F5: variants seen among roughly 807,000 people sequenced by gnomAD.
The protein encoded by F5 is activated protein c cofactor.
F5 carries 138 observed loss-of-function variants against 216.4 expected under a neutral mutation model. The observed-to-expected ratio is 0.64, with a 90% confidence interval of 0.56 to 0.73. The LOEUF (loss-of-function observed/expected upper bound fraction) is 0.73, where lower values mean the gene tolerates loss of function less well. Among genes scored for constraint, F5 ranks in the 30% least tolerant of loss-of-function variants. F5 has a pLI of 0.00. For missense variants in F5, 2,403 were observed against 2,674.0 expected, an observed-to-expected ratio of 0.90 and a Z score of 2.24; for synonymous variants, 916 against 930.7, an observed-to-expected ratio of 0.98 and a Z score of 0.29.
chr1:169,519,116 G>A (rs1369748226), intron 22 of F5, among the ~76,000 whole-genome samples: 1 of 152,146 alleles, frequency 6.6e-6, no homozygotes, highest in African/African-American at 2.4e-5. Context: ...CAGCAAGGCA[G>A]ACCTGTGACT....
intron 21 of F5, among the ~76,000 whole-genome samples, chr1:169,522,808 G>A (rs1393020911): frequency 6.6e-6 from 1 of 152,136 alleles, no homozygotes; most frequent in African/African-American, 2.4e-5. Context: ...CAGGTACACT[G>A]AAATAAAGAA....
At chr1:169,517,264 A>T (rs1270852995) in intron 23 of F5, among the ~76,000 whole-genome samples, 1 of 152,144 alleles carries the variant, frequency 6.6e-6, no homozygotes. Context: ...GTGTATTTAG[A>T]ATTAAAAGGA....
At chr1:169,534,623 A>G (rs927422413) in intron 14 of F5, among the ~76,000 whole-genome samples, 1 of 151,814 alleles carries the variant, frequency 6.6e-6, no homozygotes, top group Admixed American at 6.6e-5. Flanking sequence ...AGTTGAGATC[A>G]TACCTCTGTA....
intron 18 of F5, among the ~76,000 whole-genome samples, chr1:169,525,267 G>A (rs898860845): frequency 2.0e-5 from 3 of 152,048 alleles, no homozygotes; most frequent in Non-Finnish European, 2.9e-5. Flanking sequence ...GAGGCCGAGG[G>A]GGGAGGATTA....
At position 169,540,594 on chromosome 1, in the gene F5, T is replaced by C. The variant is rs144749395; in HGVS notation, c.4496A>G (p.Asn1499Ser). Residue 1499 changes from asparagine (N) to serine (S), a missense_variant, in exon 13 of 25, where the codon AAT becomes AGT. Transcript: ENST00000367797. ...AAATTCCTTTGATAGAAAAGTATCA[T>C]TGAGAGTAGGAGATGAAGGAGATGG... ...QMPSPSSPTL[N>S]DTFLSKEFNP... 3 of 1,613,944 alleles carry C rather than the reference T, an allele frequency of 1.9e-6. No homozygotes were observed. The highest frequency in any genetic ancestry group is 2.2e-5 in the East Asian group (1 of 44,870).
chr1:169,517,069 A>AATTACATATATAATAAATTATAT (rs1659175992), intron 23 of F5, among the ~76,000 whole-genome samples: 1 of 152,162 alleles, frequency 6.6e-6, no homozygotes, highest in Non-Finnish European at 1.5e-5. Flanking sequence ...AAATTATATA[A>AATTACATATATAATAAATTATAT]ATGTAATATA....
chr1:169,516,216 C>A (rs1458819785), intron 23 of F5, among the ~76,000 whole-genome samples: 1 of 152,100 alleles, frequency 6.6e-6, no homozygotes, highest in Non-Finnish European at 1.5e-5. Context: ...ATTTGAGAGA[C>A]CTGATAAAAC....
Position 169,565,542 on chromosome 1 carries a change from C to T in F5, c.374-4776G>A, listed in dbSNP as rs772490655. 1.1e-4 allele frequency among the ~76,000 whole-genome samples: 16 copies of T among 152,120 alleles called. No homozygotes were observed. In the South Asian group the frequency reaches 2.5e-3, roughly 24 times the overall value. On this transcript the variant is annotated intron_variant, in intron 3 of 24. Transcript: ENST00000367797. Reference sequence around the variant, plus strand: ...TCATGGCTGTGTGTTGTTATGATTGCGTAATGTTAAAATAGATTAAATGCC... The same window carrying T: ...TCATGGCTGTGTGTTGTTATGATTGTGTAATGTTAAAATAGATTAAATGCC...
intron 21 of F5, among the ~76,000 whole-genome samples, chr1:169,522,768 G>C (rs1283241400): frequency 6.6e-6 from 1 of 152,050 alleles, no homozygotes; most frequent in Non-Finnish European, 1.5e-5. Context: ...TGCCTCAGAG[G>C]CTTACTAGCA....
chr1:169,569,600 A>G lies in F5; in HGVS notation c.373+2621T>C, dbSNP rs116985281. Reference sequence around the variant, plus strand: ...AACCTCAAATTGAAACCCTTTAGTGACAGCTTTTAAGTGATTAGTTACAGT... The same window carrying G: ...AACCTCAAATTGAAACCCTTTAGTGGCAGCTTTTAAGTGATTAGTTACAGT... On this transcript the variant is annotated intron_variant, in intron 3 of 24. Transcript: ENST00000367797. Among the ~76,000 whole-genome samples the G allele has an allele frequency of 3.0e-4, 46 of 152,188 alleles. No individual in the cohort carries two copies. In the East Asian group the frequency reaches 7.7e-3, roughly 26 times the overall value.
Position 169,542,346 on chromosome 1 carries a change from G to A in F5, c.2744C>T (p.Thr915Ile), listed in dbSNP as rs144673784. 26 of 1,600,502 alleles carry A rather than the reference G, an allele frequency of 1.6e-5. No homozygotes were observed. In the African/African-American group the frequency reaches 2.9e-4, roughly 18 times the overall value. Residue 915 changes from threonine to isoleucine, a missense_variant, in exon 13 of 25, where the codon ACT becomes ATT. By Grantham distance (89) the Thr-to-Ile change is moderately conservative. This residue lies in a region of F5 where 1,425 missense variants were observed against 1,554.8 expected (regional missense o/e 0.92). Coordinates refer to ENST00000367797, the MANE Select transcript of F5 (RefSeq NM_000130.5). ...RPWEDLPSQD[T>I]GSPSRMRPWK... ...GGGCCTCATTCTGGAAGGAGAACCA[G>A]TGTCTTGGCTAGGAAGGTCCTCCCA...
chr1:169,536,672 T>TCTTTCC lies in F5; in HGVS notation c.4804_4805insGGAAAG (p.Thr1601_Asp1602insGlyLys). 6.2e-7 allele frequency: 1 copy of TCTTTCC among 1,608,882 alleles called. No individual in the cohort carries two copies. The highest frequency in any genetic ancestry group is 8.5e-7 in the Non-Finnish European group (1 of 1,175,392). ...TGGAATATCATCAGAGTCTTCAATA[T>TCTTTCC]CTGTTTCCCTGAAATAATAATACTA... On this transcript the variant is annotated inframe_insertion, in exon 14 of 25. Transcript: ENST00000367797.
At chr1:169,525,296 A>T (rs549745442) in intron 18 of F5, among the ~76,000 whole-genome samples, 1 of 152,264 alleles carries the variant, frequency 6.6e-6, no homozygotes, top group East Asian at 1.9e-4. Flanking sequence ...CAGGAGTTTG[A>T]TCTTGGGCAA....
chr1:169,517,564 T>C (rs1318971030), intron 23 of F5, among the ~76,000 whole-genome samples: 5 of 152,146 alleles, frequency 3.3e-5, no homozygotes, highest in Non-Finnish European at 7.4e-5. Context: ...GAAGGGATCA[T>C]CAAGTTATTC....
In F5 at chr1:169,513,817, A is replaced by G. The variant is rs1228833352; in HGVS notation, c.*496T>C. Among the ~76,000 whole-genome samples, 3 of 152,086 alleles carry G rather than the reference A, an allele frequency of 2.0e-5. No individual in the cohort carries two copies. Among genetic ancestry groups the G allele is most frequent in the Non-Finnish European group, 4.4e-5 (3 of 67,998 alleles). On this transcript the variant is annotated 3_prime_UTR_variant, in exon 25 of 25. Transcript: ENST00000367797. Reference sequence around the variant, plus strand: ...TTACTCATGGAAAGTCAGAAAAATCATTGTTATATGGGAAAGACAGGATAT... The same window carrying G: ...TTACTCATGGAAAGTCAGAAAAATCGTTGTTATATGGGAAAGACAGGATAT...
chr1:169,567,519 A>G (rs1289388920), intron 3 of F5, among the ~76,000 whole-genome samples: 2 of 149,798 alleles, frequency 1.3e-5, no homozygotes, highest in African/African-American at 4.9e-5. Flanking sequence ...ATGAAAGTAA[A>G]TAAGACTTTT....
intron 18 of F5, among the ~76,000 whole-genome samples, chr1:169,525,395 A>G (rs919985858): frequency 4.6e-5 from 7 of 152,142 alleles, no homozygotes; most frequent in Admixed American, 3.9e-4. Flanking sequence ...TCAAAAGTTG[A>G]CCTCAAAGTT....
rs1451795357 is a variant in F5 at position 169,550,111 on chromosome 1, C to T, written c.1397-96G>A. On this transcript the variant is annotated intron_variant, in intron 9 of 24. Coordinates refer to ENST00000367797, the MANE Select transcript of F5 (RefSeq NM_000130.5). ...CTTTCGCTGGAACCAATTAATATTG[C>T]AAAAGGAATTCTTTTATTTTTATTT... The T allele has an allele frequency of 3.2e-6, 3 of 951,360 alleles. No homozygotes were observed. The African/African-American group carries it at 5.0e-5, about 16-fold the overall frequency. The allele number at this position is 951,360 out of a possible 1,614,324, so 58.9% of individuals were successfully genotyped here. A position where few individuals can be genotyped will look rare whatever the true frequency, so the allele number is the denominator to read the frequency against.
In F5 at chr1:169,544,411, T is replaced by C; in HGVS notation, c.1860A>G (p.Glu620=). ...WHFCSVGTQN[E]ILTIHFTGHS... ...GCCCAGTGAAGTGGATGGTCAAAAT[T>C]TCATTCTGGGTCCCCACACTACAGA... is the stretch of plus-strand genomic sequence containing the variant. Residue 620 remains glutamate (E), a synonymous_variant, in exon 12 of 25, where the codon GAA becomes GAG. Coordinates refer to ENST00000367797, the MANE Select transcript of F5 (RefSeq NM_000130.5). 1 of 1,614,090 alleles carries C rather than the reference T, an allele frequency of 6.2e-7. No individual in the cohort carries two copies. The highest frequency in any genetic ancestry group is 8.5e-7 in the Non-Finnish European group (1 of 1,180,006).
Sources: allele counts gnomAD v4.1 joint callset (sites outside exome capture counted in the v4.1 genomes callset), GRCh38; gene constraint gnomAD v4.1.1; regional missense constraint gnomAD v4.1.1; transcripts MANE v1.5; gene names NCBI Gene and HGNC (gene_info 2026-07-23, HGNC 2026-07-21).